Variants in PDE8A observed in about 807,000 individuals in gnomAD.
The protein encoded by PDE8A is phosphodiesterase 8A, also known as high affinity cAMP-specific and IBMX-insensitive 3',5'-cyclic phosphodiesterase 8A.
In PDE8A, 59 loss-of-function variants were observed where a neutral mutation model predicts 105.0. The ratio of observed to expected loss-of-function variants is 0.56; its 90% CI spans 0.46 to 0.70. The LOEUF is 0.70. Among genes scored for constraint, PDE8A ranks in the 30% least tolerant of loss-of-function variants. The pLI is 0.00. For missense variants in PDE8A, 1,014 were observed against 1,045.9 expected, an observed-to-expected ratio of 0.97 and a Z score of 0.42; for synonymous variants, 355 against 371.9, an observed-to-expected ratio of 0.95 and a Z score of 0.52.
At chr15:85,030,211 G>A (rs767526043) in intron 1 of PDE8A, among the ~76,000 whole-genome samples, 2 of 152,010 alleles carry the variant, frequency 1.3e-5, no homozygotes, top group African/African-American at 2.4e-5. Context: ...ATTCCTAGAA[G>A]TGTTGAAAAC....
Position 85,089,388 on chromosome 15 carries a change from A to G in PDE8A, c.686A>G (p.Glu229Gly). 1 of 1,595,316 alleles carries G rather than the reference A, an allele frequency of 6.3e-7. No homozygotes were observed. Among genetic ancestry groups the G allele is most frequent in the Non-Finnish European group, 8.6e-7 (1 of 1,165,278 alleles). The part of the protein sequence containing the change: ...TALENSEDAI[E>G]ITSEDRFIQY... Reference sequence around the variant, plus strand: ...TTAGAAAACAGTGAAGATGCAATTGAAATTACAAGCGAAGACCGTTTTATA... The same window carrying G: ...TTAGAAAACAGTGAAGATGCAATTGGAATTACAAGCGAAGACCGTTTTATA... The change falls in exon 7 of 22, where the codon GAA (glutamate) becomes GGA (glycine). Residue 229 changes from glutamate to glycine, a missense_variant. Glu to Gly is a moderately conservative substitution (Grantham distance 98, BLOSUM62 -2). Transcript: ENST00000394553.
intron 1 of PDE8A, among the ~76,000 whole-genome samples, chr15:85,040,559 T>C (rs1389474422): frequency 2.6e-5 from 3 of 114,526 alleles, no homozygotes; most frequent in African/African-American, 1.1e-4. Flanking sequence ...TATGTGCTTA[T>C]GTATTTTTTT....
intron 11 of PDE8A, among the ~76,000 whole-genome samples, chr15:85,105,459 C>G (rs1373928895): frequency 6.6e-6 from 1 of 152,102 alleles, no homozygotes; most frequent in Non-Finnish European, 1.5e-5. Context: ...TCTGGACTTC[C>G]TCATATCCAA....
At chr15:85,041,477 A>G (rs752914509) in intron 1 of PDE8A, among the ~76,000 whole-genome samples, 2 of 152,230 alleles carry the variant, frequency 1.3e-5, no homozygotes, top group African/African-American at 2.4e-5. Flanking sequence ...GGAGATGCAC[A>G]TCCTCTTTGA....
At chr15:85,132,885 A>G (rs1567307571) in intron 20 of PDE8A, among the ~76,000 whole-genome samples, 1 of 152,052 alleles carries the variant, frequency 6.6e-6, no homozygotes, top group Non-Finnish European at 1.5e-5. Context: ...AGCATATTTA[A>G]GACAGTTGTT....
intron 1 of PDE8A, among the ~76,000 whole-genome samples, chr15:85,048,166 A>C (rs1194129138): frequency 6.6e-6 from 1 of 152,086 alleles, no homozygotes. Flanking sequence ...TAATATTTTT[A>C]AGTTTTCTAA....
intron 1 of PDE8A, among the ~76,000 whole-genome samples, chr15:85,021,222 G>A (rs1248185835): frequency 1.3e-5 from 2 of 152,136 alleles, no homozygotes; most frequent in African/African-American, 2.4e-5. Flanking sequence ...CCACCCTCCA[G>A]AACTGTGAGA....
chr15:85,119,613 G>C (rs2082150660), intron 17 of PDE8A, among the ~76,000 whole-genome samples: 1 of 151,906 alleles, frequency 6.6e-6, no homozygotes, highest in Admixed American at 6.6e-5. Context: ...AGAGTCTGTA[G>C]GGTATTTCCA....
At chr15:85,017,186 G>A (rs1294466515) in intron 1 of PDE8A, among the ~76,000 whole-genome samples, 1 of 151,398 alleles carries the variant, frequency 6.6e-6, no homozygotes, top group African/African-American at 2.4e-5. Flanking sequence ...GCGTGAACCC[G>A]GGAAGCAGAG....
At chr15:85,030,755 A>C (rs2080601365) in intron 1 of PDE8A, among the ~76,000 whole-genome samples, 1 of 152,020 alleles carries the variant, frequency 6.6e-6, no homozygotes, top group South Asian at 2.1e-4. Flanking sequence ...CCCTCTTCTT[A>C]TCTGGCAGAG....
intron 3 of PDE8A, among the ~76,000 whole-genome samples, chr15:85,068,363 A>C (rs1456793220): frequency 6.6e-6 from 1 of 152,036 alleles, no homozygotes; most frequent in African/African-American, 2.4e-5. Flanking sequence ...ATTTCTTGAC[A>C]TGTCATTTGG....
chr15:85,091,672 A>G lies in PDE8A; in HGVS notation c.852+491A>G, dbSNP rs868050601. Among the ~76,000 whole-genome samples the G allele has an allele frequency of 7.6e-4, 115 of 152,198 alleles. 2 individuals carry two copies. Among genetic ancestry groups the G allele is most frequent in the African/African-American group, 2.7e-3 (113 of 41,456 alleles). ...CAAAAATTCCTGCCTTAGAGAGCTC[A>G]TATTCAGGGGTTGGAAACAGACAAA... On this transcript the variant is annotated intron_variant, in intron 8 of 21. Coordinates refer to ENST00000394553, the MANE Select transcript of PDE8A (RefSeq NM_002605.3).
chr15:85,010,072 A>G (rs1299790072), intron 1 of PDE8A, among the ~76,000 whole-genome samples: 1 of 152,214 alleles, frequency 6.6e-6, no homozygotes, highest in Non-Finnish European at 1.5e-5. Context: ...AAAATCAGGC[A>G]GAACTATGGT....
At chr15:85,064,778 C>T (rs898934533) in intron 2 of PDE8A, among the ~76,000 whole-genome samples, 1 of 152,028 alleles carries the variant, frequency 6.6e-6, no homozygotes, top group Admixed American at 6.6e-5. Flanking sequence ...CCAGCCTGGG[C>T]AACATAGGGA....
At chr15:85,030,243 G>A (rs16974726) in intron 1 of PDE8A, among the ~76,000 whole-genome samples, 13,346 of 151,756 alleles carry the variant, frequency 0.088, 1,625 homozygotes, top group African/African-American at 0.28. Flanking sequence ...TTCTGCCTGA[G>A]TTTTGTCTCC....
At chr15:85,028,697 C>G (rs981306752) in intron 1 of PDE8A, among the ~76,000 whole-genome samples, 2 of 151,922 alleles carry the variant, frequency 1.3e-5, no homozygotes, top group African/African-American at 4.8e-5. Flanking sequence ...AGCATTTTAC[C>G]TCTGAAAATC....
At chr15:84,997,218 G>C (rs560322534) in intron 1 of PDE8A, among the ~76,000 whole-genome samples, 1 of 151,086 alleles carries the variant, frequency 6.6e-6, no homozygotes, top group South Asian at 2.1e-4. Flanking sequence ...TTTTGAGACA[G>C]GGTCTCACTC....
In PDE8A at chr15:84,982,266, A is replaced by C; in HGVS notation, c.104A>C (p.Gln35Pro). Residue 35 changes from glutamine to proline, a missense_variant, in exon 1 of 22, where the codon CAG (glutamine) becomes CCG (proline). By Grantham distance (76) the Gln-to-Pro change is moderately conservative. Coordinates refer to ENST00000394553, the MANE Select transcript of PDE8A (RefSeq NM_002605.3). ...PLSSGGPRLP[Q>P]GQKTAALPRT... ...TCGTCCGGCGGGCCGCGCCTCCCGC[A>C]GGGCCAGAAGACGGCCGCCTTGCCC... 6.9e-7 allele frequency: 1 copy of C among 1,446,118 alleles called. No individual in the cohort carries two copies. The highest frequency in any genetic ancestry group is 9.0e-7 in the Non-Finnish European group (1 of 1,107,550). The allele number at this position is 1,446,118 out of a possible 1,614,324, so 89.6% of individuals were successfully genotyped here.
At chr15:85,046,853 C>G (rs979055738) in intron 1 of PDE8A, among the ~76,000 whole-genome samples, 1 of 152,158 alleles carries the variant, frequency 6.6e-6, no homozygotes, top group African/African-American at 2.4e-5. Context: ...ATCAGTTAGG[C>G]AAACGAAATC....
Sources: gnomAD v4.1 joint callset for allele counts (sites outside exome capture counted in the v4.1 genomes callset) on GRCh38, gnomAD v4.1.1 for gene constraint, MANE v1.5 for transcripts, NCBI Gene and HGNC (gene_info 2026-07-23, HGNC 2026-07-21) for gene names.